MARCHF4: variants seen among roughly 807,000 people sequenced by gnomAD.
MARCHF4 encodes the protein membrane associated ring-CH-type finger 4, also known as E3 ubiquitin-protein ligase MARCHF4.
MARCHF4 carries 14 observed loss-of-function variants against 43.9 expected under a neutral mutation model. The observed-to-expected ratio is 0.32, with a 90% CI of 0.21 to 0.50. The LOEUF is 0.50. Ranked by LOEUF, MARCHF4 falls within the 20% of genes least tolerant of loss-of-function variation. The probability of loss-of-function intolerance (pLI) is 0.98; values close to 1 mark genes in which losing one functional copy is unlikely to be tolerated. For missense variants in MARCHF4, 468 were observed against 536.7 expected, an observed-to-expected ratio of 0.87 and a Z score of 1.27; for synonymous variants, 226 against 213.3, an observed-to-expected ratio of 1.06 and a Z score of -0.52.
chr2:216,335,015 T>C (rs189370729), intron 1 of MARCHF4, among the ~76,000 whole-genome samples: 3 of 152,360 alleles, frequency 2.0e-5, no homozygotes, highest in South Asian at 4.1e-4. Context: ...CCAGTAATCA[T>C]AGATGATTTA....
intron 3 of MARCHF4, among the ~76,000 whole-genome samples, chr2:216,268,438 GT>G (rs1160388560): frequency 6.6e-6 from 1 of 152,292 alleles, no homozygotes; most frequent in East Asian, 1.9e-4. Context: ...CATGGAGGCG[GT>G]TTCCCCCATG....
intron 1 of MARCHF4, among the ~76,000 whole-genome samples, chr2:216,367,820 T>C (rs934323089): frequency 1.3e-5 from 2 of 152,252 alleles, no homozygotes; most frequent in African/African-American, 2.4e-5. Flanking sequence ...TTTTTCTTTT[T>C]CTTTTTTCAA....
Position 216,370,047 on chromosome 2 carries a change from C to T in MARCHF4, c.214G>A (p.Gly72Ser). 1 of 1,554,220 alleles carries T rather than the reference C, an allele frequency of 6.4e-7. No individual in the cohort carries two copies. The highest frequency in any genetic ancestry group is 8.7e-7 in the Non-Finnish European group (1 of 1,147,772). ...GGAAGGGTGTTGTTGGCCGCCAAAC[C>T]GGGGGGCTGGGGGTCGCCGTGCATG... ...LPMHGDPQPP[G>S]LAANNTLPAL... Residue 72 changes from glycine to serine, a missense_variant, in exon 1 of 4, where the codon GGT (glycine) becomes AGT (serine). By Grantham distance (56) the Gly-to-Ser change is moderately conservative. Coordinates refer to ENST00000273067, the MANE Select transcript of MARCHF4 (RefSeq NM_020814.3).
chr2:216,356,810 G>T (rs760624118), intron 1 of MARCHF4, among the ~76,000 whole-genome samples: 4 of 152,114 alleles, frequency 2.6e-5, no homozygotes, highest in Non-Finnish European at 5.9e-5. Context: ...ATCACTTGAG[G>T]TCAGGAGTTT....
chr2:216,331,857 G>T (rs1433763352), intron 1 of MARCHF4, among the ~76,000 whole-genome samples: 4 of 152,020 alleles, frequency 2.6e-5, no homozygotes, highest in Non-Finnish European at 4.4e-5. Flanking sequence ...AACTCTTAAG[G>T]TAAAAATAAT....
At chr2:216,263,493 A>AGAGAGAG (rs1559280497) in intron 3 of MARCHF4, among the ~76,000 whole-genome samples, 8 of 58,878 alleles carry the variant, frequency 1.4e-4, no homozygotes, top group African/African-American at 3.1e-4. Flanking sequence ...AGGAGAGAGA[A>AGAGAGAG]AGAGAGAGAG....
intron 2 of MARCHF4, among the ~76,000 whole-genome samples, chr2:216,278,870 G>A (rs979625850): frequency 5.3e-5 from 8 of 152,282 alleles, no homozygotes; most frequent in South Asian, 2.1e-4. Context: ...TGGCTGATCC[G>A]GGCAGTACAG....
At chr2:216,279,463 T>C (rs1691088988) in intron 2 of MARCHF4, among the ~76,000 whole-genome samples, 1 of 152,188 alleles carries the variant, frequency 6.6e-6, no homozygotes, top group African/African-American at 2.4e-5. Flanking sequence ...AGGATCAAAT[T>C]TGGGAAGGTA....
intron 1 of MARCHF4, among the ~76,000 whole-genome samples, chr2:216,322,679 G>A (rs1172275209): frequency 2.0e-5 from 3 of 152,122 alleles, no homozygotes; most frequent in East Asian, 3.9e-4. Flanking sequence ...AAAATTAGCC[G>A]GGTGCGGTGG....
intron 1 of MARCHF4, among the ~76,000 whole-genome samples, chr2:216,339,798 G>A (rs1015284312): frequency 4.6e-5 from 7 of 152,128 alleles, no homozygotes; most frequent in Admixed American, 3.9e-4. Flanking sequence ...GCATCAGCAA[G>A]GATCCCATAG....
chr2:216,279,784 C>A (rs188686491), intron 2 of MARCHF4, among the ~76,000 whole-genome samples: 2 of 152,204 alleles, frequency 1.3e-5, no homozygotes, highest in Non-Finnish European at 2.9e-5. Context: ...TGTTTCCCCC[C>A]GCCTAGGGTT....
intron 1 of MARCHF4, among the ~76,000 whole-genome samples, chr2:216,300,027 C>G (rs978201912): frequency 6.6e-6 from 1 of 152,144 alleles, no homozygotes; most frequent in East Asian, 1.9e-4. Flanking sequence ...TGGCTTACTT[C>G]GGAGTCAGTG....
chr2:216,303,953 T>A, intron 1 of MARCHF4, among the ~76,000 whole-genome samples: 1 of 152,032 alleles, frequency 6.6e-6, no homozygotes, highest in Admixed American at 6.5e-5. Flanking sequence ...GGTCAAGAGG[T>A]CACCTGGAAA....
At chr2:216,298,003 C>A (rs922487860) in intron 1 of MARCHF4, among the ~76,000 whole-genome samples, 8 of 152,158 alleles carry the variant, frequency 5.3e-5, no homozygotes, top group African/African-American at 1.9e-4. Flanking sequence ...TAACATATTA[C>A]CTTTTTTATT....
chr2:216,277,500 C>T lies in MARCHF4; in HGVS notation c.865+172G>A, dbSNP rs541547496. Among the ~76,000 whole-genome samples, 4 of 152,234 alleles carry T rather than the reference C, an allele frequency of 2.6e-5. No homozygotes were observed. In the South Asian group the frequency reaches 8.3e-4, roughly 32 times the overall value. ...TCTTCCTTCTTTTCCCTGCCTCCTC[C>T]CCCTTCCCATCCACCCCTTGAATCC... On this transcript the variant is annotated intron_variant, in intron 3 of 3. Coordinates refer to ENST00000273067, the MANE Select transcript of MARCHF4 (RefSeq NM_020814.3).
At chr2:216,361,247 G>C in intron 1 of MARCHF4, among the ~76,000 whole-genome samples, 1 of 152,046 alleles carries the variant, frequency 6.6e-6, no homozygotes, top group East Asian at 1.9e-4. Context: ...TATCACTATG[G>C]TGAGATTTTC....
chr2:216,270,227 C>T (rs993855812), intron 3 of MARCHF4, among the ~76,000 whole-genome samples: 2 of 152,080 alleles, frequency 1.3e-5, no homozygotes, highest in Non-Finnish European at 2.9e-5. Context: ...AGGTGTGCAC[C>T]ACCATGCCTG....
chr2:216,316,146 G>A (rs1333702642), intron 1 of MARCHF4, among the ~76,000 whole-genome samples: 2 of 152,230 alleles, frequency 1.3e-5, no homozygotes, highest in East Asian at 1.9e-4. Context: ...CAGCTCAGAC[G>A]CAGGTGTCTG....
intron 3 of MARCHF4, among the ~76,000 whole-genome samples, chr2:216,275,871 C>T (rs981831912): frequency 2.0e-5 from 3 of 152,178 alleles, no homozygotes; most frequent in African/African-American, 4.8e-5. Context: ...ACCAAGCCCC[C>T]TTGTGCTCCT....
Sources: gnomAD v4.1 joint callset for allele counts (sites outside exome capture counted in the v4.1 genomes callset) on GRCh38, gnomAD v4.1.1 for gene constraint, MANE v1.5 for transcripts, NCBI Gene and HGNC (gene_info 2026-07-23, HGNC 2026-07-21) for gene names.